FILIP1L: variants seen among roughly 807,000 people sequenced by gnomAD.
FILIP1L encodes filamin A-interacting protein 1-like.
In FILIP1L, 55 loss-of-function variants were observed where a neutral mutation model predicts 96.6. That is an observed-to-expected ratio of 0.57 (90% confidence interval 0.46 to 0.71). FILIP1L has a LOEUF of 0.71. Ranked by LOEUF, FILIP1L falls within the 30% of genes least tolerant of loss-of-function variation. The pLI, the probability that FILIP1L is intolerant of heterozygous loss-of-function variation, is 0.00. For missense variants in FILIP1L, 1,304 were observed against 1,321.2 expected (o/e 0.99, Z 0.20); for synonymous variants, 467 against 473.9 (o/e 0.99, Z 0.19).
At chr3:99,984,974 T>A (rs1709288158) in intron 1 of FILIP1L, among the ~76,000 whole-genome samples, 1 of 152,076 alleles carries the variant, frequency 6.6e-6, no homozygotes, top group Non-Finnish European at 1.5e-5. Context: ...AAAGATTTAG[T>A]GGAAATGAGA....
At chr3:100,035,658 A>G (rs556349476) in intron 1 of FILIP1L, among the ~76,000 whole-genome samples, 149 of 152,370 alleles carry the variant, frequency 9.8e-4, no homozygotes, top group Non-Finnish European at 1.8e-3. Flanking sequence ...AAATTGAACC[A>G]TAGAAGAGGC....
At chr3:100,058,652 C>T (rs139416417) in intron 1 of FILIP1L, among the ~76,000 whole-genome samples, 1 of 152,252 alleles carries the variant, frequency 6.6e-6, no homozygotes, top group African/African-American at 2.4e-5. Flanking sequence ...AGCACCTCAC[C>T]ACAAACTGAC....
chr3:100,072,362 G>A (rs1324984188), intron 1 of FILIP1L, among the ~76,000 whole-genome samples: 1 of 152,196 alleles, frequency 6.6e-6, no homozygotes, highest in African/African-American at 2.4e-5. Flanking sequence ...ACTTGAACAT[G>A]GCTCTGAGAG....
At chr3:100,050,263 A>G (rs1200217294) in intron 1 of FILIP1L, among the ~76,000 whole-genome samples, 1 of 152,204 alleles carries the variant, frequency 6.6e-6, no homozygotes, top group East Asian at 1.9e-4. Flanking sequence ...CCTCCCTTAT[A>G]ACTCTGAGTG....
chr3:99,938,077 G>A lies in FILIP1L; in HGVS notation c.-10-7047C>T, dbSNP rs535880720. Among the ~76,000 whole-genome samples, 4 of 19,006 alleles carry A rather than the reference G, an allele frequency of 2.1e-4. No homozygotes were observed. The East Asian group carries it at 0.01, about 48-fold the overall frequency. 12.5% of individuals were successfully genotyped at this position (19,006 alleles called of 152,430 possible). A position where few individuals can be genotyped will look rare whatever the true frequency, so the allele number is the denominator to read the frequency against. On this transcript the variant is annotated intron_variant, in intron 1 of 5. Transcript: ENST00000477258. ...TGTGTGTGTGTGTGTGTGTGTGTGC[G>A]CGCGCGCGCGCGCGTGCATGCACAC...
At chr3:99,950,512 A>G (rs1708144290) in intron 1 of FILIP1L, among the ~76,000 whole-genome samples, 1 of 152,114 alleles carries the variant, frequency 6.6e-6, no homozygotes, top group African/African-American at 2.4e-5. Flanking sequence ...CGTTTTCACT[A>G]GTCTCCCCTG....
intron 1 of FILIP1L, among the ~76,000 whole-genome samples, chr3:100,056,896 C>T (rs914011954): frequency 3.9e-5 from 6 of 151,902 alleles, no homozygotes; most frequent in Middle Eastern, 6.9e-3. Flanking sequence ...CCCAGCTACT[C>T]GGGAGGCTGA....
chr3:100,091,975 T>C (rs1414035805), intron 1 of FILIP1L, among the ~76,000 whole-genome samples: 1 of 152,236 alleles, frequency 6.6e-6, no homozygotes, highest in Non-Finnish European at 1.5e-5. Flanking sequence ...TTACCAGCTA[T>C]CTGTCCTAGG....
chr3:99,987,990 T>C (rs1709396284), intron 1 of FILIP1L, among the ~76,000 whole-genome samples: 1 of 152,146 alleles, frequency 6.6e-6, no homozygotes, highest in Admixed American at 6.5e-5. Context: ...GAATAGCTCT[T>C]TTTTCTCTAA....
chr3:100,059,516 G>C (rs1320917726), intron 1 of FILIP1L, among the ~76,000 whole-genome samples: 1 of 152,194 alleles, frequency 6.6e-6, no homozygotes, highest in Non-Finnish European at 1.5e-5. Flanking sequence ...CCCTGAGGAG[G>C]TGAGGAGATG....
intron 1 of FILIP1L, among the ~76,000 whole-genome samples, chr3:99,963,607 T>A (rs1708557279): frequency 6.6e-6 from 1 of 152,050 alleles, no homozygotes; most frequent in Non-Finnish European, 1.5e-5. Context: ...TGAATATGCA[T>A]CCATTTTTTT....
intron 1 of FILIP1L, among the ~76,000 whole-genome samples, chr3:100,097,959 A>G (rs1043127756): frequency 6.6e-6 from 1 of 152,226 alleles, no homozygotes. Flanking sequence ...CATCAACGGT[A>G]GCATATCTGA....
chr3:100,074,200 C>G (rs1283973336), intron 1 of FILIP1L, among the ~76,000 whole-genome samples: 1 of 152,114 alleles, frequency 6.6e-6, no homozygotes, highest in Non-Finnish European at 1.5e-5. Context: ...CAGTGGAGTC[C>G]GAGAGCTCTA....
At chr3:100,024,233 A>G (rs777166235) in intron 1 of FILIP1L, among the ~76,000 whole-genome samples, 3 of 152,200 alleles carry the variant, frequency 2.0e-5, no homozygotes, top group Non-Finnish European at 4.4e-5. Flanking sequence ...CCATTGCAGT[A>G]GAAGCCTTGG....
chr3:99,917,386 C>T (rs1706986698), intron 4 of FILIP1L, among the ~76,000 whole-genome samples: 2 of 152,198 alleles, frequency 1.3e-5, no homozygotes, highest in Non-Finnish European at 2.9e-5. Flanking sequence ...ACACCAGGCA[C>T]ATAGTTTGAG....
chr3:99,853,218 GCTTCTTTCTCCTGC>G (rs1166437317), intron 4 of FILIP1L, among the ~76,000 whole-genome samples: 1 of 152,218 alleles, frequency 6.6e-6, no homozygotes, highest in Non-Finnish European at 1.5e-5. Flanking sequence ...TTGGCAAAGT[GCTTCTTTCTCCTGC>G]CTTAGCATTA....
intron 1 of FILIP1L, among the ~76,000 whole-genome samples, chr3:100,059,236 T>A (rs1380328806): frequency 1.3e-5 from 2 of 152,228 alleles, no homozygotes; most frequent in African/African-American, 4.8e-5. Flanking sequence ...AGCTATCCTT[T>A]AAAAAATACA....
At chr3:100,012,305 G>A (rs978647546) in intron 1 of FILIP1L, among the ~76,000 whole-genome samples, 2 of 152,112 alleles carry the variant, frequency 1.3e-5, no homozygotes, top group Non-Finnish European at 2.9e-5. Context: ...AATATGAGAT[G>A]TATAAAAATA....
intron 1 of FILIP1L, among the ~76,000 whole-genome samples, chr3:100,108,837 G>A (rs997899613): frequency 2.0e-5 from 3 of 152,114 alleles, no homozygotes; most frequent in African/African-American, 4.8e-5. Context: ...TGTTGTTTTT[G>A]ACAAACAGTA....
Sources: gnomAD v4.1 joint callset for allele counts (sites outside exome capture counted in the v4.1 genomes callset) on GRCh38, gnomAD v4.1.1 for gene constraint, MANE v1.5 for transcripts, NCBI Gene and HGNC (gene_info 2026-07-23, HGNC 2026-07-21) for gene names.